Variants in DLGAP5 observed in about 807,000 individuals in gnomAD.
DLGAP5 encodes the protein disks large-associated protein 5.
Under a neutral mutation model 99.6 loss-of-function variants are expected in DLGAP5, and 90 were observed. That is an observed-to-expected ratio of 0.90 (90% confidence interval 0.76 to 1.08). The LOEUF is 1.08. Among genes scored for constraint, DLGAP5 ranks in the 50% least tolerant of loss-of-function variants. DLGAP5 has a pLI of 0.00. For missense variants in DLGAP5, 1,036 were observed against 983.5 expected, an observed-to-expected ratio of 1.05 and a Z score of -0.71; for synonymous variants, 311 against 321.3, an observed-to-expected ratio of 0.97 and a Z score of 0.34.
chr14:55,153,233 C>T (rs1219871649), intron 15 of DLGAP5, among the ~76,000 whole-genome samples: 1 of 152,110 alleles, frequency 6.6e-6, no homozygotes, highest in Non-Finnish European at 1.5e-5. Flanking sequence ...AAGTTACTAG[C>T]TTGTATCTTA....
At position 55,175,950 on chromosome 14, in the gene DLGAP5, T is replaced by C; in HGVS notation, c.1118A>G (p.Gln373Arg). Residue 373 changes from glutamine (Q) to arginine (R), a missense_variant, in exon 9 of 19, where the codon CAG (glutamine) becomes CGG (arginine). By Grantham distance (43) the Gln-to-Arg change is conservative (BLOSUM62 1). Transcript: ENST00000247191. Reference protein sequence around the residue: ...KCKTYSTKTIQQDSNKLPCPL... With the variant: ...KCKTYSTKTIRQDSNKLPCPL... ...ACATGGCAATTTATTTGAATCTTGC[T>C]GTATTGTCTTGGTAGAGTAAGTTTT... 3 of 1,610,352 alleles carry C rather than the reference T, an allele frequency of 1.9e-6. No individual in the cohort carries two copies. The highest frequency in any genetic ancestry group is 2.2e-5 in the South Asian group (2 of 90,450).
chr14:55,181,436 A>G lies in DLGAP5; in HGVS notation c.496-139T>C, dbSNP rs150901783. On this transcript the variant is annotated intron_variant, in intron 4 of 18. Transcript: ENST00000247191. The stretch of plus-strand genomic sequence containing the variant: ...CAACAACAACAAAAAACTACCCCAA[A>G]TAAAATGAGATAAAGAAAAGCTTTC... 1.5e-4 allele frequency: 89 copies of G among 579,960 alleles called. No homozygotes were observed. In the East Asian group the frequency reaches 2.9e-3, roughly 19 times the overall value. 35.9% of individuals were successfully genotyped at this position (579,960 alleles called of 1,614,324 possible).
chr14:55,173,655 T>C (rs1882951004), intron 10 of DLGAP5, among the ~76,000 whole-genome samples: 1 of 152,142 alleles, frequency 6.6e-6, no homozygotes, highest in Non-Finnish European at 1.5e-5. Context: ...ACGGAGGGAC[T>C]GGCTGAAGCC....
At chr14:55,161,016 G>C (rs1438351157) in intron 13 of DLGAP5, among the ~76,000 whole-genome samples, 2 of 152,058 alleles carry the variant, frequency 1.3e-5, no homozygotes, top group Non-Finnish European at 2.9e-5. Context: ...ACTTAAACAT[G>C]TTTAAAGACT....
At chr14:55,177,724 A>G (rs960478714) in intron 7 of DLGAP5, among the ~76,000 whole-genome samples, 1 of 151,398 alleles carries the variant, frequency 6.6e-6, no homozygotes, top group African/African-American at 2.4e-5. Context: ...TTTTTAGTGG[A>G]GACGGGGTTT....
chr14:55,187,130 T>C (rs1440178407), intron 2 of DLGAP5, among the ~76,000 whole-genome samples: 1 of 151,988 alleles, frequency 6.6e-6, no homozygotes, highest in Non-Finnish European at 1.5e-5. Context: ...GGTCTTGATC[T>C]CTTGACCTCG....
intron 10 of DLGAP5, among the ~76,000 whole-genome samples, chr14:55,174,306 AC>A (rs1382213965): frequency 6.6e-6 from 1 of 152,084 alleles, no homozygotes; most frequent in Non-Finnish European, 1.5e-5. Flanking sequence ...TGATCTCAAA[AC>A]CCTGTCTCCT....
chr14:55,183,895 G>C, intron 2 of DLGAP5, 142 bp from the exon 3 acceptor site: 1 of 810,890 alleles, frequency 1.2e-6, no homozygotes. Context: ...GCTCACGCCT[G>C]TAATCCCAGC....
rs189499755 is a variant in DLGAP5 at position 55,170,832 on chromosome 14, C to G, written c.1302-45G>C. ...TTCAGTTCTACAAGTGGTTTTTACA[C>G]TAGTAGCTAAGTATTAGCATAACAT... On this transcript the variant is annotated intron_variant, in intron 10 of 18. Transcript: ENST00000247191. 34 of 1,392,262 alleles carry G rather than the reference C, an allele frequency of 2.4e-5. No individual in the cohort carries two copies. In the Admixed American group the frequency reaches 4.5e-4, roughly 19 times the overall value. The allele number at this position is 1,392,262 out of a possible 1,614,324, so 86.2% of individuals were successfully genotyped here. A position where few individuals can be genotyped will look rare whatever the true frequency, so the allele number is the denominator to read the frequency against.
intron 15 of DLGAP5, among the ~76,000 whole-genome samples, chr14:55,154,065 A>T (rs1376128424): frequency 6.6e-6 from 1 of 152,138 alleles, no homozygotes; most frequent in African/African-American, 2.4e-5. Flanking sequence ...CCAAAAAACA[A>T]ACAAAAAAAT....
At chr14:55,154,493 T>A (rs1301419131) in intron 15 of DLGAP5, 124 bp downstream of exon 15, 2 of 767,732 alleles carry the variant, frequency 2.6e-6, no homozygotes, top group South Asian at 3.4e-5. Context: ...ACTGCCTATA[T>A]GTTGCAGGGT....
intron 10 of DLGAP5, among the ~76,000 whole-genome samples, chr14:55,171,370 T>C (rs2140318813): frequency 6.6e-6 from 1 of 152,226 alleles, no homozygotes; most frequent in East Asian, 1.9e-4. Flanking sequence ...CATCCTACGA[T>C]GTATAGGATA....
Position 55,175,841 on chromosome 14 carries a change from T to A in DLGAP5, c.1174+53A>T. On this transcript the variant is annotated intron_variant, in intron 9 of 18. Coordinates refer to ENST00000247191, the MANE Select transcript of DLGAP5 (RefSeq NM_014750.5). Reference sequence around the variant, plus strand: ...AATTACTATACCTGAAAGCAAAATATTTTTTGTATTAACATTATTCTAAAA... The same window carrying A: ...AATTACTATACCTGAAAGCAAAATAATTTTTGTATTAACATTATTCTAAAA... 5 of 1,436,508 alleles carry A rather than the reference T, an allele frequency of 3.5e-6. No homozygotes were observed. In the South Asian group the frequency reaches 7.5e-5, roughly 21 times the overall value. The allele number at this position is 1,436,508 out of a possible 1,614,324, so 89.0% of individuals were successfully genotyped here.
In DLGAP5 at chr14:55,158,542, C is replaced by A; in HGVS notation, c.1853G>T (p.Ser618Ile). ...CTAACCTGAGAATAATTTAACAGGA[C>A]TTTCAACTCTGAAAAATCCAGCATC... is the stretch of plus-strand genomic sequence containing the variant. Reference protein sequence around the residue: ...VFDAGFFRVESPVKLFSGLSV... With the variant: ...VFDAGFFRVEIPVKLFSGLSV... Residue 618 changes from serine (S) to isoleucine (I), a missense_variant, in exon 14 of 19, where the codon AGT becomes ATT. Coordinates refer to ENST00000247191, the MANE Select transcript of DLGAP5 (RefSeq NM_014750.5). 6.2e-7 allele frequency: 1 copy of A among 1,613,830 alleles called. No individual in the cohort carries two copies. Among genetic ancestry groups the A allele is most frequent in the Non-Finnish European group, 8.5e-7 (1 of 1,179,870 alleles).
At chr14:55,149,499 T>A (rs1881936100) in intron 18 of DLGAP5, among the ~76,000 whole-genome samples, 4 of 152,194 alleles carry the variant, frequency 2.6e-5, no homozygotes, top group African/African-American at 9.7e-5. Context: ...AAGGAATTTG[T>A]GGCTTATGGA....
intron 5 of DLGAP5, 34 bp from the exon 6 acceptor site, chr14:55,180,812 C>T (rs930260991): frequency 1.2e-6 from 2 of 1,612,612 alleles, no homozygotes; most frequent in African/African-American, 1.3e-5. Context: ...ATCAAATGTC[C>T]CTTGTAGTTA....
chr14:55,160,034 C>G (rs1243253904), intron 13 of DLGAP5, among the ~76,000 whole-genome samples: 4 of 152,028 alleles, frequency 2.6e-5, no homozygotes, highest in African/African-American at 7.2e-5. Flanking sequence ...GAAACACCAG[C>G]TCCACTAAAA....
At chr14:55,177,003 A>G (rs1017755992) in intron 8 of DLGAP5, 59 bp downstream of exon 8, 6 of 1,078,098 alleles carry the variant, frequency 5.6e-6, no homozygotes, top group Non-Finnish European at 7.2e-6. Context: ...AAAAAAAAAA[A>G]AGAAAGGCAT....
chr14:55,175,962 G>A lies in DLGAP5; in HGVS notation c.1106C>T (p.Thr369Ile), dbSNP rs753078686. 4.3e-6 allele frequency: 7 copies of A among 1,609,398 alleles called. No homozygotes were observed. The highest frequency in any genetic ancestry group is 5.9e-6 in the Non-Finnish European group (7 of 1,177,146). ...ILAQKCKTYS[T>I]KTIQQDSNKL... The stretch of plus-strand genomic sequence containing the variant: ...ATTTGAATCTTGCTGTATTGTCTTG[G>A]TAGAGTAAGTTTTACATTTTTGTGC... The change falls in exon 9 of 19, where the codon ACC becomes ATC. Residue 369 changes from threonine to isoleucine, a missense_variant. Transcript: ENST00000247191.
Sources: allele counts gnomAD v4.1 joint callset (sites outside exome capture counted in the v4.1 genomes callset), GRCh38; gene constraint gnomAD v4.1.1; transcripts MANE v1.5; gene names NCBI Gene and HGNC (gene_info 2026-07-23, HGNC 2026-07-21).